KIF4A: variants seen among roughly 807,000 people sequenced by gnomAD.
KIF4A encodes the protein chromosome-associated kinesin KIF4A.
A neutral mutation model predicts 105.9 loss-of-function variants in KIF4A; 7 were observed. The observed-to-expected ratio is 0.07, with a 90% confidence interval of 0.04 to 0.12. KIF4A has a LOEUF of 0.12. Ranked by LOEUF, KIF4A falls within the 10% of genes least tolerant of loss-of-function variation. The probability of loss-of-function intolerance (pLI) is 1.00; values close to 1 mark genes in which losing one functional copy is unlikely to be tolerated. For synonymous variants in KIF4A, 281 were observed against 331.3 expected (o/e 0.85, Z 1.65); for missense variants, 558 against 929.2 (o/e 0.60, Z 5.19).
intron 15 of KIF4A, among the ~76,000 whole-genome samples, chrX:70,369,791 CGT>C (rs747028427): frequency 6.3e-5 from 7 of 110,914 alleles, no homozygotes; most frequent in African/African-American, 2.0e-4. Flanking sequence ...TAAACACACA[CGT>C]GTGTGTGTGT....
intron 7 of KIF4A, among the ~76,000 whole-genome samples, chrX:70,306,415 G>A (rs1255201944): frequency 1.8e-5 from 2 of 112,370 alleles, no homozygotes; most frequent in African/African-American, 3.2e-5. Flanking sequence ...TAGAGATTTC[G>A]CTGAATCTGT....
Position 70,374,856 on chromosome X carries a change from T to C in KIF4A, c.1779-348T>C, listed in dbSNP as rs147124338. On this transcript the variant is annotated intron_variant, in intron 16 of 30. Coordinates refer to ENST00000374403, the MANE Select transcript of KIF4A (RefSeq NM_012310.5). ...CTAAAGCTCATGTTTGTAAAAGTTA[T>C]GCTGAATGTTTACTTTCTATCTCAG... Among the ~76,000 whole-genome samples, 28 of 112,364 alleles carry C rather than the reference T, an allele frequency of 2.5e-4. No homozygotes were observed. In the East Asian group the frequency reaches 5.8e-3, roughly 23 times the overall value.
At chrX:70,306,614 G>T (rs1394101106) in intron 7 of KIF4A, among the ~76,000 whole-genome samples, 1 of 109,798 alleles carries the variant, frequency 9.1e-6, no homozygotes, top group Non-Finnish European at 1.9e-5. Context: ...TCGGCTCACT[G>T]CAACCTCTGC....
intron 22 of KIF4A, among the ~76,000 whole-genome samples, chrX:70,397,671 C>A (rs972645670): frequency 8.9e-6 from 1 of 112,104 alleles, no homozygotes; most frequent in Non-Finnish European, 1.9e-5. Context: ...CTAGAAGGAA[C>A]AGAACCTTGA....
At chrX:70,327,688 G>T (rs1402557638) in intron 7 of KIF4A, among the ~76,000 whole-genome samples, 1 of 111,959 alleles carries the variant, frequency 8.9e-6, no homozygotes, top group Non-Finnish European at 1.9e-5. Context: ...GGTTAGTAAA[G>T]TAGGAATGAG....
At chrX:70,308,864 C>T (rs1254293759) in intron 7 of KIF4A, among the ~76,000 whole-genome samples, 1 of 112,504 alleles carries the variant, frequency 8.9e-6, no homozygotes, top group Non-Finnish European at 1.9e-5. Flanking sequence ...CCTGCCTCGG[C>T]CTCCCAAAGT....
chrX:70,374,360 A>G (rs2086166592), intron 16 of KIF4A, 106 bp downstream of exon 16: 2 of 467,430 alleles, frequency 4.3e-6, no homozygotes. Context: ...AAAGATTTAA[A>G]CCTAATTATG....
At chrX:70,342,599 A>C (rs1005262088) in intron 11 of KIF4A, among the ~76,000 whole-genome samples, 2 of 112,201 alleles carry the variant, frequency 1.8e-5, no homozygotes, top group Non-Finnish European at 3.8e-5. Context: ...TTCCACCAAA[A>C]TATAATTGAA....
At position 70,373,528 on chromosome X, in the gene KIF4A, A is replaced by G. The variant is rs1364368295; in HGVS notation, c.1675-623A>G. Among the ~76,000 whole-genome samples the G allele has an allele frequency of 2.6e-3, 82 of 31,175 alleles. 12 individuals carry two copies. Among genetic ancestry groups the G allele is most frequent in the African/African-American group, 5.3e-3 (17 of 3,201 alleles). 27.1% of individuals were successfully genotyped at this position (31,175 alleles called of 115,157 possible). A position where few individuals can be genotyped will look rare whatever the true frequency, so the allele number is the denominator to read the frequency against. ...TATATATACATGTGTGTGTATGTAT[A>G]TATATATATATATATATATATATAT... On this transcript the variant is annotated intron_variant, in intron 15 of 30. Coordinates refer to ENST00000374403, the MANE Select transcript of KIF4A (RefSeq NM_012310.5).
chrX:70,349,177 A>ATG (rs2086009698), intron 13 of KIF4A, among the ~76,000 whole-genome samples: 1 of 38,815 alleles, frequency 2.6e-5, no homozygotes, highest in Non-Finnish European at 4.6e-5. Context: ...GGGCAGAGGC[A>ATG]CTCCTCACTT....
chrX:70,337,244 G>A (rs752726108), intron 10 of KIF4A, among the ~76,000 whole-genome samples: 2 of 111,841 alleles, frequency 1.8e-5, no homozygotes, highest in Non-Finnish European at 3.8e-5. Context: ...CAGCAACTCA[G>A]TAGGATGAGG....
At chrX:70,362,773 C>G (rs1401921333) in intron 15 of KIF4A, among the ~76,000 whole-genome samples, 3 of 111,651 alleles carry the variant, frequency 2.7e-5, no homozygotes, top group Admixed American at 9.5e-5. Flanking sequence ...CTTAGGTTAT[C>G]TGCCCGCCTC....
At chrX:70,345,160 A>G (rs755984874) in intron 13 of KIF4A, among the ~76,000 whole-genome samples, 20 of 112,278 alleles carry the variant, frequency 1.8e-4, no homozygotes, top group Non-Finnish European at 3.4e-4. Context: ...AGTGATTCAA[A>G]TAGGGGTTAA....
At chrX:70,301,065 T>C (rs2085802644) in intron 5 of KIF4A, among the ~76,000 whole-genome samples, 1 of 111,592 alleles carries the variant, frequency 9.0e-6, no homozygotes, top group African/African-American at 3.3e-5. Flanking sequence ...TAGTTGGTGA[T>C]AGATATTATA....
At chrX:70,410,484 A>G (rs898904971) in intron 28 of KIF4A, among the ~76,000 whole-genome samples, 1 of 111,888 alleles carries the variant, frequency 8.9e-6, no homozygotes, top group African/African-American at 3.3e-5. Flanking sequence ...TGAGCAAGTC[A>G]GTCTCCCTGG....
intron 7 of KIF4A, among the ~76,000 whole-genome samples, chrX:70,327,877 A>T (rs2085916366): frequency 8.9e-6 from 1 of 112,015 alleles, no homozygotes; most frequent in African/African-American, 3.2e-5. Flanking sequence ...GTAGAAGATC[A>T]TATGTCCAGT....
At chrX:70,407,267 C>T (rs147779081) in intron 28 of KIF4A, among the ~76,000 whole-genome samples, 192 bp downstream of exon 28, 189 of 110,965 alleles carry the variant, frequency 1.7e-3, no homozygotes, top group Middle Eastern at 0.014. Context: ...GCCACCACAC[C>T]CAGTTAATTT....
chrX:70,307,015 C>T (rs1375969537), intron 7 of KIF4A, among the ~76,000 whole-genome samples: 3 of 108,614 alleles, frequency 2.8e-5, no homozygotes, highest in African/African-American at 1.0e-4. Flanking sequence ...TTTGTAGAGA[C>T]GGGTCTCACT....
chrX:70,343,851 TG>T (rs753480236), intron 12 of KIF4A, 25 bp from the exon 13 acceptor site: 100 of 1,192,281 alleles, frequency 8.4e-5, no homozygotes, highest in Non-Finnish European at 1.0e-4. Context: ...GAATAACCCT[TG>T]GGTTCTTTTT....
Sources: gnomAD v4.1 joint callset for allele counts (sites outside exome capture counted in the v4.1 genomes callset) on GRCh38, gnomAD v4.1.1 for gene constraint, MANE v1.5 for transcripts, NCBI Gene and HGNC (gene_info 2026-07-23, HGNC 2026-07-21) for gene names.